The following AGAP1 variants were observed in gnomAD, a reference collection of about 807,000 sequenced individuals.
AGAP1 encodes ArfGAP with GTPase domain, ankyrin repeat and PH domain 1.
In AGAP1, 29 loss-of-function variants were observed where a neutral mutation model predicts 105.3. That is an observed-to-expected ratio of 0.28 (90% CI 0.21 to 0.38). AGAP1 has a LOEUF of 0.38. Ranked by LOEUF, AGAP1 falls within the 10% of genes least tolerant of loss-of-function variation. The probability of loss-of-function intolerance (pLI) is 1.00; values close to 1 mark genes in which losing one functional copy is unlikely to be tolerated. For synonymous variants in AGAP1, 509 were observed against 485.9 expected (o/e 1.05, Z -0.63); for missense variants, 998 against 1,165.1 (o/e 0.86, Z 2.09).
intron 9 of AGAP1, among the ~76,000 whole-genome samples, chr2:235,881,588 G>A (rs888597631): frequency 2.0e-5 from 3 of 152,208 alleles, no homozygotes; most frequent in African/African-American, 7.2e-5. Flanking sequence ...CGATGTGAAC[G>A]CTGCCATTGA....
Position 235,744,959 on chromosome 2 carries a change from T to G in AGAP1, c.538+120T>G, listed in dbSNP as rs1952813125. 1 of 1,233,158 alleles carries G rather than the reference T, an allele frequency of 8.1e-7. No individual in the cohort carries two copies. Among genetic ancestry groups the G allele is most frequent in the Non-Finnish European group, 1.1e-6 (1 of 903,320 alleles). The allele number at this position is 1,233,158 out of a possible 1,614,324, so 76.4% of individuals were successfully genotyped here. ...AAATTGCCTACTGAACGCTCACTTT[T>G]TTGGGAAAAATTATGGAACTGAAAT... On this transcript the variant is annotated intron_variant, in intron 5 of 17. Coordinates refer to ENST00000304032, the MANE Select transcript of AGAP1 (RefSeq NM_001037131.3). The surrounding 1 kb of genome is among the most constrained non-coding windows in gnomAD (Gnocchi z 5.2).
At chr2:235,791,855 C>T (rs1467157510) in intron 6 of AGAP1, among the ~76,000 whole-genome samples, 1 of 152,100 alleles carries the variant, frequency 6.6e-6, no homozygotes, top group African/African-American at 2.4e-5. Context: ...CCGGGAAGAG[C>T]CTTTCAATGA....
rs756404022 is a variant in AGAP1, at chr2:235,494,672, C to T, written c.-15C>T. On this transcript the variant is annotated 5_prime_UTR_variant, in exon 1 of 18. Coordinates refer to ENST00000304032, the MANE Select transcript of AGAP1 (RefSeq NM_001037131.3). ...GCGGCGGGGGGCGCGCGGCTCCGGG[C>T]GCGGCGCCTGCACCATGAACTACCA... 6 of 1,276,122 alleles carry T rather than the reference C, an allele frequency of 4.7e-6. No individual in the cohort carries two copies. The South Asian group carries it at 9.4e-5, about 20-fold the overall frequency. The allele number at this position is 1,276,122 out of a possible 1,614,324, so 79.0% of individuals were successfully genotyped here.
chr2:235,504,074 G>A (rs1219296681), intron 1 of AGAP1, among the ~76,000 whole-genome samples: 1 of 152,050 alleles, frequency 6.6e-6, no homozygotes, highest in East Asian at 1.9e-4. Flanking sequence ...TGTAGAGATG[G>A]GGTCTCGCTA....
At chr2:235,850,561 TG>T (rs1390781455) in intron 9 of AGAP1, among the ~76,000 whole-genome samples, 1 of 152,230 alleles carries the variant, frequency 6.6e-6, no homozygotes, top group Admixed American at 6.5e-5. Flanking sequence ...AGGCCTCACT[TG>T]GGAAATGAGG....
At chr2:236,093,903 C>T (rs1452511337) in intron 16 of AGAP1, among the ~76,000 whole-genome samples, 2 of 152,080 alleles carry the variant, frequency 1.3e-5, no homozygotes, top group Non-Finnish European at 2.9e-5. Context: ...GGGGGTTTCT[C>T]TGAGAAACAT....
chr2:235,513,837 C>T (rs879389618), intron 1 of AGAP1, among the ~76,000 whole-genome samples: 6 of 152,102 alleles, frequency 3.9e-5, no homozygotes, highest in Non-Finnish European at 7.3e-5. Flanking sequence ...ACTGGTTTGC[C>T]GTTATGATGT....
chr2:235,895,002 G>A (rs1051080718), intron 10 of AGAP1, among the ~76,000 whole-genome samples: 5 of 152,116 alleles, frequency 3.3e-5, no homozygotes, highest in Non-Finnish European at 5.9e-5. Context: ...CCACAGCCTC[G>A]GCCTCGGCCT....
chr2:235,602,347 G>C (rs1945757661), intron 1 of AGAP1, among the ~76,000 whole-genome samples: 1 of 152,176 alleles, frequency 6.6e-6, no homozygotes, highest in Non-Finnish European at 1.5e-5. Context: ...CCTCGATTTT[G>C]TCTCTTGGCC....
At chr2:235,709,075 CCATCTT>C (rs1950692750) in intron 1 of AGAP1, 98 bp from the exon 2 acceptor site, 3 of 1,155,960 alleles carry the variant, frequency 2.6e-6, no homozygotes, top group Non-Finnish European at 3.9e-6. Flanking sequence ...CTTGTCTGCA[CCATCTT>C]CAGTGACCTT....
At chr2:236,006,721 C>T (rs764120907) in intron 13 of AGAP1, among the ~76,000 whole-genome samples, 3 of 152,008 alleles carry the variant, frequency 2.0e-5, no homozygotes, top group African/African-American at 4.8e-5. Context: ...GTTGGAGTTA[C>T]GCTTACAATG....
intron 6 of AGAP1, among the ~76,000 whole-genome samples, chr2:235,759,164 C>CTTTTTTT (rs560528348): frequency 1.2e-4 from 13 of 104,094 alleles, no homozygotes; most frequent in African/African-American, 4.2e-4. Flanking sequence ...TGATGTCATT[C>CTTTTTTT]TTTTTTTTTT....
chr2:235,744,237 A>AG lies in AGAP1; in HGVS notation c.397-457dup, dbSNP rs1478540771. 2.0e-5 allele frequency among the ~76,000 whole-genome samples: 3 copies of AG among 151,954 alleles called. No individual in the cohort carries two copies. Among genetic ancestry groups the AG allele is most frequent in the Non-Finnish European group, 2.9e-5 (2 of 68,002 alleles). On this transcript the variant is annotated intron_variant, in intron 4 of 17. Transcript: ENST00000304032. The surrounding 1 kb of genome is among the most constrained non-coding windows in gnomAD (Gnocchi z 5.2). ...CTGCGGTAGCGAGTGGGAAGGACTG[A>AG]GGGGTGGGGAGGTTCTGAGCAGGCA...
intron 16 of AGAP1, among the ~76,000 whole-genome samples, chr2:236,059,829 C>T (rs1304842110): frequency 1.3e-5 from 2 of 152,154 alleles, no homozygotes; most frequent in Non-Finnish European, 2.9e-5. Context: ...TTAACTCCAA[C>T]ACCTGTAATC....
At chr2:235,856,729 T>C (rs2106481507) in intron 9 of AGAP1, among the ~76,000 whole-genome samples, 1 of 152,352 alleles carries the variant, frequency 6.6e-6, no homozygotes, top group Admixed American at 6.5e-5. Flanking sequence ...GTCCTGGCCA[T>C]GAGCACAGGA....
In AGAP1 at chr2:236,087,405, A is replaced by C. The variant is rs1320051053; in HGVS notation, c.2115-32787A>C. ...CCAAGGACAGACAACCTCGTCTTGCAGGATCATTTACCTTTTATATTATGA... is the reference window on the plus strand; with the variant it reads ...CCAAGGACAGACAACCTCGTCTTGCCGGATCATTTACCTTTTATATTATGA... On this transcript the variant is annotated intron_variant, in intron 16 of 17. Transcript: ENST00000304032. The surrounding 1 kb of genome is among the most constrained non-coding windows in gnomAD (Gnocchi z 5.7). Among the ~76,000 whole-genome samples, 1 of 152,206 alleles carries C rather than the reference A, an allele frequency of 6.6e-6. No homozygotes were observed. The highest frequency in any genetic ancestry group is 1.5e-5 in the Non-Finnish European group (1 of 68,034).
chr2:235,991,669 G>T (rs1431200241), intron 13 of AGAP1, among the ~76,000 whole-genome samples: 1 of 152,184 alleles, frequency 6.6e-6, no homozygotes, highest in African/African-American at 2.4e-5. Flanking sequence ...AATACTGGGC[G>T]TTCTTTCTAA....
intron 16 of AGAP1, among the ~76,000 whole-genome samples, chr2:236,111,506 AG>A (rs35742017): frequency 2.8e-5 from 2 of 70,724 alleles, no homozygotes; most frequent in Non-Finnish European, 7.8e-5. Flanking sequence ...AAAAAAAAAA[AG>A]AGAGAGAAGA....
chr2:235,930,862 A>G lies in AGAP1; in HGVS notation c.1422A>G (p.Ser474=), dbSNP rs151254117. The part of the protein sequence containing the change: ...RPDGMHQRSY[S]VSSADQWSEA... Reference sequence around the variant, plus strand: ...ACGGCATGCACCAGCGCTCCTACTCAGTCTCCAGTGCCGACCAGTGGAGTG... The same window carrying G: ...ACGGCATGCACCAGCGCTCCTACTCGGTCTCCAGTGCCGACCAGTGGAGTG... Residue 474 remains serine, a synonymous_variant, in exon 12 of 18, where the codon TCA becomes TCG. Coordinates refer to ENST00000304032, the MANE Select transcript of AGAP1 (RefSeq NM_001037131.3). This position sits in a 1 kb window ranked among gnomAD's most constrained non-coding sequence, Gnocchi z 7.9. The G allele has an allele frequency of 8.9e-5, 144 of 1,613,866 alleles. No individual in the cohort carries two copies. The highest frequency in any genetic ancestry group is 6.6e-4 in the Middle Eastern group (4 of 6,084).
Sources: allele counts gnomAD v4.1 joint callset (sites outside exome capture counted in the v4.1 genomes callset), GRCh38; gene constraint gnomAD v4.1.1; non-coding constraint Gnocchi (gnomAD v3.1); transcripts MANE v1.5; gene names NCBI Gene and HGNC (gene_info 2026-07-23, HGNC 2026-07-21).